The following PCDHA3 variants were observed in gnomAD, a reference collection of about 807,000 sequenced individuals.
PCDHA3 encodes protocadherin alpha-3.
PCDHA3 carries 41 observed loss-of-function variants against 62.2 expected under a neutral mutation model. The observed-to-expected ratio is 0.66, with a 90% CI of 0.51 to 0.86. The LOEUF is 0.86. PCDHA3 is among the 40% of genes least tolerant of loss of function. The pLI, the probability that PCDHA3 is intolerant of heterozygous loss-of-function variation, is 0.00. For missense variants in PCDHA3, 1,304 were observed against 1,241.2 expected (o/e 1.05, Z -0.76); for synonymous variants, 640 against 555.4 (o/e 1.15, Z -2.14).
At chr5:140,979,900 T>A (rs1554241214) in intron 2 of PCDHA3, among the ~76,000 whole-genome samples, 4 of 152,214 alleles carry the variant, frequency 2.6e-5, no homozygotes, top group Admixed American at 6.5e-5. Context: ...CAAACTTAGA[T>A]CAGTTCGTAA....
At chr5:140,951,373 C>T (rs1554219872) in intron 1 of PCDHA3, among the ~76,000 whole-genome samples, 1 of 151,996 alleles carries the variant, frequency 6.6e-6, no homozygotes, top group Non-Finnish European at 1.5e-5. Context: ...AAAGAAACAC[C>T]CAAGACTCGG....
At chr5:140,946,314 T>C (rs1307176539) in intron 1 of PCDHA3, among the ~76,000 whole-genome samples, 2 of 151,808 alleles carry the variant, frequency 1.3e-5, no homozygotes, top group African/African-American at 4.8e-5. Flanking sequence ...ATGGCTATTA[T>C]TGAAAGAGGA....
intron 1 of PCDHA3, among the ~76,000 whole-genome samples, chr5:140,898,172 G>A (rs1262400829): frequency 2.6e-5 from 4 of 152,162 alleles, no homozygotes; most frequent in African/African-American, 9.7e-5. Context: ...TTCTTTTGCT[G>A]TGCAGAAGCT....
At chr5:140,968,729 A>G (rs1563381706) in intron 1 of PCDHA3, 1 of 1,614,134 alleles carries the variant, frequency 6.2e-7, no homozygotes, top group Non-Finnish European at 8.5e-7. Flanking sequence ...GAGTGGTAGC[A>G]CTTTCAACCT....
chr5:140,914,426 A>G (rs1554196349), intron 1 of PCDHA3, among the ~76,000 whole-genome samples: 1 of 152,140 alleles, frequency 6.6e-6, no homozygotes, highest in African/African-American at 2.4e-5. Context: ...TTAGCAAGGA[A>G]TATCTTTTCC....
chr5:140,893,297 A>G (rs553139850), intron 1 of PCDHA3, among the ~76,000 whole-genome samples: 4 of 152,154 alleles, frequency 2.6e-5, no homozygotes, highest in South Asian at 2.1e-4. Context: ...TGGTAGTTCT[A>G]TTTGTAGTTT....
chr5:140,896,465 C>T (rs967658819), intron 1 of PCDHA3, among the ~76,000 whole-genome samples: 8 of 151,988 alleles, frequency 5.3e-5, no homozygotes, highest in South Asian at 4.1e-4. Context: ...TGGGTTCAAG[C>T]GGTTCTCCTG....
chr5:140,934,152 T>C (rs2089672287), intron 1 of PCDHA3, among the ~76,000 whole-genome samples: 1 of 152,190 alleles, frequency 6.6e-6, no homozygotes. Context: ...TATATGTTTA[T>C]ATTTCAGTGT....
intron 1 of PCDHA3, chr5:140,834,131 C>A (rs2150213699): frequency 6.7e-6 from 3 of 446,202 alleles, no homozygotes; most frequent in South Asian, 5.1e-5. Context: ...AACTTTTCAT[C>A]TGATTAATAG....
chr5:140,822,825 C>T, intron 1 of PCDHA3: 1 of 1,614,132 alleles, frequency 6.2e-7, no homozygotes, highest in Non-Finnish European at 8.5e-7. Flanking sequence ...CAGAGATGGC[C>T]ATAACCACCC....
chr5:140,961,564 T>A (rs2095622037), intron 1 of PCDHA3, among the ~76,000 whole-genome samples: 1 of 152,208 alleles, frequency 6.6e-6, no homozygotes, highest in African/African-American at 2.4e-5. Flanking sequence ...TTTTAAATTT[T>A]GTTTTGATAA....
chr5:140,891,226 C>T (rs1417836006), intron 1 of PCDHA3, among the ~76,000 whole-genome samples: 1 of 152,026 alleles, frequency 6.6e-6, no homozygotes, highest in Admixed American at 6.6e-5. Flanking sequence ...TTATAATCAT[C>T]CTGTTCTGGA....
At chr5:141,005,220 C>T (rs2098201724) in intron 3 of PCDHA3, among the ~76,000 whole-genome samples, 1 of 152,192 alleles carries the variant, frequency 6.6e-6, no homozygotes, top group Admixed American at 6.5e-5. Flanking sequence ...CAAGTATTTA[C>T]TAAACACCTG....
At chr5:140,837,121 A>G (rs2150273262) in intron 1 of PCDHA3, 1 of 156,722 alleles carries the variant, frequency 6.4e-6, no homozygotes, top group East Asian at 1.9e-4. Context: ...GTTACCTAAT[A>G]TTTTATTCTA....
intron 1 of PCDHA3, chr5:140,859,327 AAAT>A (rs2045812871): frequency 7.8e-6 from 1 of 128,784 alleles, no homozygotes; most frequent in Non-Finnish European, 1.8e-5. Flanking sequence ...TTTGAGGAGA[AAAT>A]AAAATTAATG....
chr5:140,835,624 AC>A (rs2150239679), intron 1 of PCDHA3: 1 of 1,613,722 alleles, frequency 6.2e-7, no homozygotes, highest in Admixed American at 1.7e-5. Flanking sequence ...AGCGCTCTGG[AC>A]CGCGAGAGTG....
At position 140,822,821 on chromosome 5, in the gene PCDHA3, T is replaced by C. The variant is rs2150119660; in HGVS notation, c.2394+19230T>C. On this transcript the variant is annotated intron_variant, in intron 1 of 3. Coordinates refer to ENST00000522353, the MANE Select transcript of PCDHA3 (RefSeq NM_018906.3). ...GATGTGAATGATAATACCCCAGAGATGGCCATAACCACCCTTTTCCTGCCT... is the reference window on the plus strand; with the variant it reads ...GATGTGAATGATAATACCCCAGAGACGGCCATAACCACCCTTTTCCTGCCT... 4.3e-6 allele frequency: 7 copies of C among 1,614,038 alleles called. No homozygotes were observed. In the African/African-American group the frequency reaches 5.3e-5, roughly 12 times the overall value.
At chr5:140,860,219 A>C (rs2046275185) in intron 1 of PCDHA3, 1 of 151,166 alleles carries the variant, frequency 6.6e-6, no homozygotes, top group South Asian at 2.1e-4. Flanking sequence ...GTACTTATGT[A>C]TATATAAGCC....
intron 1 of PCDHA3, among the ~76,000 whole-genome samples, chr5:140,819,417 A>G (rs2150104131): frequency 3.9e-5 from 6 of 152,196 alleles, no homozygotes; most frequent in African/African-American, 1.4e-4. Context: ...ACACTTTAAT[A>G]TACTACACAG....
Sources: gnomAD v4.1 joint callset for allele counts (sites outside exome capture counted in the v4.1 genomes callset) on GRCh38, gnomAD v4.1.1 for gene constraint, MANE v1.5 for transcripts, NCBI Gene and HGNC (gene_info 2026-07-23, HGNC 2026-07-21) for gene names.